ARHGEF10L: variants seen among roughly 807,000 people sequenced by gnomAD.
ARHGEF10L encodes rho guanine nucleotide exchange factor 10-like protein.
In ARHGEF10L, 69 loss-of-function variants were observed where a neutral mutation model predicts 141.2. That is an observed-to-expected ratio of 0.49 (90% CI 0.40 to 0.60). The LOEUF (loss-of-function observed/expected upper bound fraction) is 0.60. ARHGEF10L is among the 20% of genes least tolerant of loss of function. The pLI is 0.00. For synonymous variants in ARHGEF10L, 711 were observed against 718.5 expected, an observed-to-expected ratio of 0.99 and a Z score of 0.17; for missense variants, 1,482 against 1,734.3, an observed-to-expected ratio of 0.85 and a Z score of 2.58.
In ARHGEF10L at chr1:17,664,707, G is replaced by C. The variant is rs942601045; in HGVS notation, c.3009+112G>C. 4 of 1,324,376 alleles carry C rather than the reference G, an allele frequency of 3.0e-6. No homozygotes were observed. The South Asian group carries it at 4.8e-5, about 16-fold the overall frequency. The allele number at this position is 1,324,376 out of a possible 1,614,324, so 82.0% of individuals were successfully genotyped here. The stretch of plus-strand genomic sequence containing the variant: ...AGCTCCCAGTGGCATTCCAAGGATC[G>C]ATTGGGCAGAGTTTGTCCGGAAGCA... On this transcript the variant is annotated intron_variant, in intron 26 of 28. Coordinates refer to ENST00000361221, the MANE Select transcript of ARHGEF10L (RefSeq NM_018125.4).
intron 1 of ARHGEF10L, among the ~76,000 whole-genome samples, chr1:17,574,091 G>A (rs1244598960): frequency 6.6e-6 from 1 of 152,094 alleles, no homozygotes; most frequent in Non-Finnish European, 1.5e-5. Context: ...CACCTGCAGG[G>A]TTGAGGAGGG....
rs142503205 is a variant in ARHGEF10L at position 17,621,894 on chromosome 1, G to T, written c.973G>T (p.Val325Leu). ...VVRRHILGSI[V>L]QSEGSYVESL... is the part of the protein sequence containing the mutation. ...CCGGAGGCATATCCTGGGCTCCATC[G>T]TGCAGAGCGAAGGCAGCTACGTGGA... is the stretch of plus-strand genomic sequence containing the variant. The change falls in exon 11 of 29, where the codon GTG becomes TTG. Residue 325 changes from valine (V) to leucine (L), a missense_variant. By Grantham distance (32) the Val-to-Leu change is conservative. Transcript: ENST00000361221. The surrounding 1 kb of genome is among the most constrained non-coding windows in gnomAD (Gnocchi z 4.1). The T allele has an allele frequency of 1.2e-6, 2 of 1,614,186 alleles. No homozygotes were observed. The highest frequency in any genetic ancestry group is 1.7e-5 in the Admixed American group (1 of 60,022).
chr1:17,557,121 T>A (rs548577562), intron 1 of ARHGEF10L, among the ~76,000 whole-genome samples: 1 of 150,270 alleles, frequency 6.7e-6, no homozygotes, highest in Non-Finnish European at 1.5e-5. Context: ...GGTGGATGGA[T>A]CACTTGAGAT....
intron 26 of ARHGEF10L, among the ~76,000 whole-genome samples, chr1:17,668,856 C>T (rs2063143363): frequency 6.6e-6 from 1 of 152,224 alleles, no homozygotes; most frequent in African/African-American, 2.4e-5. Flanking sequence ...CCGGCTCCAC[C>T]TTGGCGCTGG....
intron 4 of ARHGEF10L, among the ~76,000 whole-genome samples, chr1:17,596,099 G>A (rs1312872730): frequency 6.6e-6 from 1 of 152,228 alleles, no homozygotes; most frequent in Non-Finnish European, 1.5e-5. Context: ...GCATGCTGCA[G>A]CCTGCAGGGA....
chr1:17,695,143 C>A lies in ARHGEF10L; in HGVS notation c.3185-15C>A. 1.9e-6 allele frequency: 3 copies of A among 1,612,444 alleles called. No individual in the cohort carries two copies. Among genetic ancestry groups the A allele is most frequent in the Non-Finnish European group, 2.5e-6 (3 of 1,179,986 alleles). ...CCCCAGGAGGGCACTGCTCAGCCGC[C>A]CTCTCTTTCTGCAGGCCAGAAGCAC... On this transcript the variant is annotated splice_polypyrimidine_tract_variant and intron_variant, in intron 27 of 28. Coordinates refer to ENST00000361221, the MANE Select transcript of ARHGEF10L (RefSeq NM_018125.4).
At chr1:17,658,306 G>A (rs552368467) in intron 25 of ARHGEF10L, among the ~76,000 whole-genome samples, 2 of 152,294 alleles carry the variant, frequency 1.3e-5, no homozygotes, top group South Asian at 2.1e-4. Context: ...ACATACAGAT[G>A]AGGAGGCACA....
chr1:17,543,504 A>G (rs931292999), intron 1 of ARHGEF10L, among the ~76,000 whole-genome samples: 1 of 151,584 alleles, frequency 6.6e-6, no homozygotes, highest in Admixed American at 6.6e-5. Context: ...AATTGCTGGA[A>G]CCCAGGAGGC....
At chr1:17,605,129 G>A (rs190183654) in intron 6 of ARHGEF10L, among the ~76,000 whole-genome samples, 2 of 152,318 alleles carry the variant, frequency 1.3e-5, no homozygotes, top group East Asian at 3.9e-4. Context: ...GTTGTTGTTA[G>A]TGTTATGCCT....
At chr1:17,548,744 G>T (rs1034443469) in intron 1 of ARHGEF10L, among the ~76,000 whole-genome samples, 1 of 149,742 alleles carries the variant, frequency 6.7e-6, no homozygotes, top group African/African-American at 2.5e-5. Flanking sequence ...TGCCTCCTGG[G>T]TTCAAGCAAT....
chr1:17,623,052 C>G lies in ARHGEF10L; in HGVS notation c.1077C>G (p.Cys359Trp), dbSNP rs780897976. 1.2e-5 allele frequency: 19 copies of G among 1,614,016 alleles called. No homozygotes were observed. The highest frequency in any genetic ancestry group is 1.3e-5 in the African/African-American group (1 of 74,934). Residue 359 changes from cysteine (C) to tryptophan (W), a missense_variant, in exon 12 of 29, where the codon TGC becomes TGG. Cys to Trp is a radical substitution (Grantham distance 215). Transcript: ENST00000361221. The surrounding 1 kb of genome is among the most constrained non-coding windows in gnomAD (Gnocchi z 4.7). ...MEPKALSARK[C>W]QVVFFRVKEI... ...CCAAGGCGCTGAGCGCCCGCAAGTG[C>G]CAGGTGGTGTTCTTCCGCGTGAAGG... is the stretch of plus-strand genomic sequence containing the variant.
Position 17,607,572 on chromosome 1 carries a change from C to T in ARHGEF10L, c.434-230C>T, listed in dbSNP as rs2081291624. On this transcript the variant is annotated intron_variant, in intron 6 of 28. Coordinates refer to ENST00000361221, the MANE Select transcript of ARHGEF10L (RefSeq NM_018125.4). This position sits in a 1 kb window ranked among gnomAD's most constrained non-coding sequence, Gnocchi z 4.5. ...AGTGAGCGGGCTTGTGCACGTCTGA[C>T]CCATTTCTTGGGTTTTCCCCATTTT... 6.6e-6 allele frequency among the ~76,000 whole-genome samples: 1 copy of T among 152,228 alleles called. No individual in the cohort carries two copies. The highest frequency in any genetic ancestry group is 2.1e-4 in the South Asian group (1 of 4,830).
At chr1:17,563,052 C>A (rs2256390) in intron 1 of ARHGEF10L, among the ~76,000 whole-genome samples, 1 of 151,828 alleles carries the variant, frequency 6.6e-6, no homozygotes, top group Non-Finnish European at 1.5e-5. Context: ...GGGCTGGATG[C>A]GGGGAGGAGG....
At chr1:17,519,842 CAAAAA>C in the ARHGEF10L span, among the ~76,000 whole-genome samples, 1 of 137,522 alleles carries the variant, frequency 7.3e-6, no homozygotes, top group Non-Finnish European at 1.6e-5. Flanking sequence ...GACTCCATCT[CAAAAA>C]AAAAAAAGAG....
intron 1 of ARHGEF10L, among the ~76,000 whole-genome samples, chr1:17,544,813 C>A (rs2076859341): frequency 6.6e-6 from 1 of 152,064 alleles, no homozygotes; most frequent in Admixed American, 6.6e-5. Flanking sequence ...CTCACAGTTC[C>A]ACATGGCTGG....
intron 4 of ARHGEF10L, among the ~76,000 whole-genome samples, chr1:17,590,935 C>T (rs945085865): frequency 5.3e-5 from 8 of 152,244 alleles, no homozygotes; most frequent in South Asian, 2.1e-4. Context: ...TGTAGTGAGG[C>T]GAGATTGCGC....
chr1:17,548,780 A>C (rs2077007493), intron 1 of ARHGEF10L, among the ~76,000 whole-genome samples: 1 of 146,374 alleles, frequency 6.8e-6, no homozygotes. Flanking sequence ...TCCTGAGTAG[A>C]TGGGATTACA....
chr1:17,683,341 G>C (rs1213868571), intron 26 of ARHGEF10L, among the ~76,000 whole-genome samples: 1 of 96,992 alleles, frequency 1.0e-5, no homozygotes, highest in Non-Finnish European at 2.2e-5. Flanking sequence ...GCTCTCACCG[G>C]GGTGCTCACT....
chr1:17,591,408 ATTT>A (rs35249582), intron 4 of ARHGEF10L, among the ~76,000 whole-genome samples: 47,896 of 121,052 alleles, frequency 0.4, 8,459 homozygotes, highest in Admixed American at 0.5. Flanking sequence ...ATGCCTGGCT[ATTT>A]TTTTTTTTTT....
Sources: allele counts gnomAD v4.1 joint callset (sites outside exome capture counted in the v4.1 genomes callset), GRCh38; gene constraint gnomAD v4.1.1; non-coding constraint Gnocchi (gnomAD v3.1); transcripts MANE v1.5; gene names NCBI Gene and HGNC (gene_info 2026-07-23, HGNC 2026-07-21).